Variants in RGS12 observed in about 807,000 individuals in gnomAD.
RGS12 encodes the protein regulator of G-protein signaling 12.
Under a neutral mutation model 120.1 loss-of-function variants are expected in RGS12, and 66 were observed. The observed-to-expected ratio is 0.55, with a 90% CI of 0.45 to 0.67. The LOEUF (loss-of-function observed/expected upper bound fraction) is 0.67, where lower values mean the gene tolerates loss of function less well. Ranked by LOEUF, RGS12 falls within the 30% of genes least tolerant of loss-of-function variation. The pLI, the probability that RGS12 is intolerant of heterozygous loss-of-function variation, is 0.00. For synonymous variants in RGS12, 827 were observed against 804.7 expected, an observed-to-expected ratio of 1.03 and a Z score of -0.47; for missense variants, 1,859 against 1,957.7, an observed-to-expected ratio of 0.95 and a Z score of 0.95.
chr4:3,428,861 G>A, intron 16 of RGS12, 150 bp downstream of exon 16: 1 of 701,902 alleles, frequency 1.4e-6, no homozygotes, highest in Non-Finnish European at 2.3e-6. Flanking sequence ...GGGGCAGTCT[G>A]TGGGCTGTTG....
At chr4:3,384,200 G>T (rs1718569767) in intron 3 of RGS12, among the ~76,000 whole-genome samples, 1 of 152,170 alleles carries the variant, frequency 6.6e-6, no homozygotes, top group Non-Finnish European at 1.5e-5. Flanking sequence ...TCTCACCCAG[G>T]CTGGAGTGTA....
chr4:3,411,757 A>G (rs896628280), intron 4 of RGS12, among the ~76,000 whole-genome samples: 2 of 152,270 alleles, frequency 1.3e-5, no homozygotes, highest in African/African-American at 4.8e-5. Flanking sequence ...AGAACGGGGC[A>G]CTTGCCACAT....
At chr4:3,301,404 T>G (rs1439887034) in intron 1 of RGS12, among the ~76,000 whole-genome samples, 1 of 152,272 alleles carries the variant, frequency 6.6e-6, no homozygotes. Context: ...GAACCCTCTG[T>G]GTCTTTTTCC....
chr4:3,308,307 G>T (rs1359745763), intron 1 of RGS12, among the ~76,000 whole-genome samples: 1 of 152,370 alleles, frequency 6.6e-6, no homozygotes, highest in Non-Finnish European at 1.5e-5. Flanking sequence ...TTAGTAAGAG[G>T]CTGTGTCCTC....
intron 3 of RGS12, among the ~76,000 whole-genome samples, chr4:3,363,422 C>G (rs1715931872): frequency 6.6e-6 from 1 of 152,194 alleles, no homozygotes; most frequent in East Asian, 1.9e-4. Context: ...TCGTTTTGGG[C>G]TCCAGCCTCC....
At chr4:3,305,666 C>G (rs984238935) in intron 1 of RGS12, among the ~76,000 whole-genome samples, 4 of 152,074 alleles carry the variant, frequency 2.6e-5, no homozygotes, top group Non-Finnish European at 4.4e-5. Flanking sequence ...CTTCCGAGAC[C>G]CAGCCTGGCA....
chr4:3,327,744 CAAT>C (rs1725658313), intron 2 of RGS12, among the ~76,000 whole-genome samples: 1 of 152,120 alleles, frequency 6.6e-6, no homozygotes, highest in Non-Finnish European at 1.5e-5. Flanking sequence ...CTCACTCAAA[CAAT>C]AACAGATGTT....
intron 7 of RGS12, among the ~76,000 whole-genome samples, chr4:3,416,703 C>G (rs1722436929): frequency 6.6e-6 from 1 of 152,056 alleles, no homozygotes; most frequent in South Asian, 2.1e-4. Flanking sequence ...GTGATAAAGG[C>G]TGGTTCGTTA....
chr4:3,332,687 C>T lies in RGS12; in HGVS notation c.1882-10250C>T, dbSNP rs111284916. ...TGGGCTGTCTTTTCCTCATGGACTG[C>T]GGGAATGATAGACGCTGGCTGTTAG... On this transcript the variant is annotated intron_variant, in intron 2 of 17. Coordinates refer to ENST00000336727, the MANE Select transcript of RGS12 (RefSeq NM_001394154.1). Among the ~76,000 whole-genome samples, 28 of 152,330 alleles carry T rather than the reference C, an allele frequency of 1.8e-4. 1 individual carries two copies. Among genetic ancestry groups the T allele is most frequent in the African/African-American group, 5.8e-4 (24 of 41,568 alleles).
In RGS12 at chr4:3,423,040, C is replaced by A; in HGVS notation, c.3107+62C>A. 4 of 1,367,942 alleles carry A rather than the reference C, an allele frequency of 2.9e-6. No homozygotes were observed. In the South Asian group the frequency reaches 4.7e-5, roughly 16 times the overall value. The allele number at this position is 1,367,942 out of a possible 1,614,324, so 84.7% of individuals were successfully genotyped here. ...CAGAGCCAACCCCGTGTGCCCACCA[C>A]CTGCTGGTCTCTGCGCTTAGCGGGC... On this transcript the variant is annotated intron_variant, in intron 12 of 17. Coordinates refer to ENST00000336727, the MANE Select transcript of RGS12 (RefSeq NM_001394154.1).
chr4:3,413,026 G>GCC (rs529325065), intron 4 of RGS12: 18 of 111,432 alleles, frequency 1.6e-4, no homozygotes, highest in South Asian at 3.6e-4. Flanking sequence ...GGACGGGGGC[G>GCC]CCCCCACACT....
At chr4:3,439,346 C>A in intron 17 of RGS12, 109 bp from the exon 18 acceptor site, 1 of 1,115,994 alleles carries the variant, frequency 9.0e-7, no homozygotes, top group Non-Finnish European at 1.4e-6. Flanking sequence ...TGGGATATTT[C>A]AGGGACCCCT....
chr4:3,409,953 G>A (rs894065043), intron 4 of RGS12, among the ~76,000 whole-genome samples: 1 of 152,174 alleles, frequency 6.6e-6, no homozygotes, highest in Non-Finnish European at 1.5e-5. Flanking sequence ...GGTGAACTTC[G>A]TGCTGCTCCG....
At chr4:3,377,766 T>C (rs1289049841) in intron 3 of RGS12, among the ~76,000 whole-genome samples, 1 of 152,244 alleles carries the variant, frequency 6.6e-6, no homozygotes, top group East Asian at 1.9e-4. Context: ...GTTGAGTCCT[T>C]GTCAGCTGAG....
Position 3,427,955 on chromosome 4 carries a change from C to G in RGS12, c.3332-135C>G, listed in dbSNP as rs567940094. 2.3e-4 allele frequency: 190 copies of G among 820,214 alleles called. 1 individual carries two copies. The South Asian group carries it at 2.6e-3, about 11-fold the overall frequency. 50.8% of individuals were successfully genotyped at this position (820,214 alleles called of 1,614,324 possible). On this transcript the variant is annotated intron_variant, in intron 14 of 17. Coordinates refer to ENST00000336727, the MANE Select transcript of RGS12 (RefSeq NM_001394154.1). ...CATGGGGACTCCCCTCAGGGCTGTG[C>G]GTGGTGAATAAGGGCAGCAGATGCC...
At position 3,439,370 on chromosome 4, in the gene RGS12, T is replaced by C. The variant is rs917271385; in HGVS notation, c.4115-85T>C. Reference sequence around the variant, plus strand: ...TCAGGGACCCCTACCATGCTGTCTGTGCAGGGGCCTTCGGGGTAGGGGGTG... The same window carrying C: ...TCAGGGACCCCTACCATGCTGTCTGCGCAGGGGCCTTCGGGGTAGGGGGTG... On this transcript the variant is annotated intron_variant, in intron 17 of 17. Coordinates refer to ENST00000336727, the MANE Select transcript of RGS12 (RefSeq NM_001394154.1). The C allele has an allele frequency of 2.3e-5, 30 of 1,330,218 alleles. No homozygotes were observed. In the Admixed American group the frequency reaches 4.9e-4, roughly 22 times the overall value. 82.4% of individuals were successfully genotyped at this position (1,330,218 alleles called of 1,614,324 possible). A position where few individuals can be genotyped will look rare whatever the true frequency, so the allele number is the denominator to read the frequency against.
rs1455736501 is a variant in RGS12, at chr4:3,430,738, C to T, written c.3897C>T (p.Phe1299=). The change falls in exon 17 of 18, where the codon TTC becomes TTT. Residue 1299 remains phenylalanine (F), a synonymous_variant. Coordinates refer to ENST00000336727, the MANE Select transcript of RGS12 (RefSeq NM_001394154.1). Reference sequence around the variant, plus strand: ...GGCAGAAGTCTCCCAGCGGGCCCTTCTGCACTCCCCAGTCCCCCGTCTCCC... The same window carrying T: ...GGCAGAAGTCTCCCAGCGGGCCCTTTTGCACTCCCCAGTCCCCCGTCTCCC... The part of the protein sequence containing the change: ...PPGQKSPSGP[F]CTPQSPVSLA... 4 of 1,603,048 alleles carry T rather than the reference C, an allele frequency of 2.5e-6. No individual in the cohort carries two copies. The highest frequency in any genetic ancestry group is 1.7e-5 in the Admixed American group (1 of 59,388).
intron 1 of RGS12, among the ~76,000 whole-genome samples, 150 bp from the exon 2 acceptor site, chr4:3,315,915 TTAGCC>T (rs1365591205): frequency 6.6e-6 from 1 of 152,256 alleles, no homozygotes; most frequent in African/African-American, 2.4e-5. Context: ...AGGAAGTTTC[TTAGCC>T]TGACTTGAAG....
At chr4:3,377,478 CA>C (rs1434036410) in intron 3 of RGS12, among the ~76,000 whole-genome samples, 3 of 152,070 alleles carry the variant, frequency 2.0e-5, no homozygotes, top group Admixed American at 6.5e-5. Context: ...TTAGGAACAT[CA>C]AGTGGTGATT....
Sources: gnomAD v4.1 joint callset for allele counts (sites outside exome capture counted in the v4.1 genomes callset) on GRCh38, gnomAD v4.1.1 for gene constraint, MANE v1.5 for transcripts, NCBI Gene and HGNC (gene_info 2026-07-23, HGNC 2026-07-21) for gene names.